The following MOB1B variants were observed in gnomAD, a reference collection of about 807,000 sequenced individuals.
MOB1B encodes the protein MOB kinase activator 1B, also known as MOB1 Mps One Binder homolog B.
A neutral mutation model predicts 24.4 loss-of-function variants in MOB1B; 19 were observed. That is an observed-to-expected ratio of 0.78 (90% CI 0.54 to 1.14). The LOEUF is 1.14. Among genes scored for constraint, MOB1B ranks in the 50% most tolerant of loss-of-function variants. The probability of loss-of-function intolerance (pLI) is 0.00; values close to 1 mark genes in which losing one functional copy is unlikely to be tolerated. For synonymous variants in MOB1B, 76 were observed against 82.1 expected (o/e 0.93, Z 0.40); for missense variants, 243 against 259.6 (o/e 0.94, Z 0.44).
intron 1 of MOB1B, 69 bp downstream of exon 1, chr4:70,902,619 G>T (rs1163450831): frequency 2.5e-6 from 3 of 1,198,134 alleles, no homozygotes; most frequent in Non-Finnish European, 2.2e-6. Flanking sequence ...GCCGCCCGCC[G>T]CCCGTCGCCC....
chr4:70,905,537 C>T (rs1232256836), intron 1 of MOB1B, among the ~76,000 whole-genome samples: 1 of 152,078 alleles, frequency 6.6e-6, no homozygotes, highest in East Asian at 1.9e-4. Context: ...GCCATTACAC[C>T]TGGCTATCTG....
chr4:70,945,627 T>C (rs779187232), intron 1 of MOB1B, among the ~76,000 whole-genome samples: 1 of 152,242 alleles, frequency 6.6e-6, no homozygotes, highest in South Asian at 2.1e-4. Context: ...GTCAGTTAGC[T>C]CAACAAATAC....
chr4:70,924,721 A>G (rs1736581995), intron 1 of MOB1B, among the ~76,000 whole-genome samples: 2 of 152,096 alleles, frequency 1.3e-5, no homozygotes, highest in East Asian at 1.9e-4. Flanking sequence ...CTATGCATCT[A>G]TGAGTGAGGA....
chr4:70,902,672 G>T (rs902919847), intron 1 of MOB1B, 122 bp downstream of exon 1: 3 of 950,538 alleles, frequency 3.2e-6, no homozygotes, highest in Middle Eastern at 3.5e-4. Context: ...CCGGGGCCCG[G>T]CGTCACCACC....
intron 1 of MOB1B, chr4:70,950,785 G>A: frequency 6.5e-7 from 1 of 1,531,662 alleles, no homozygotes; most frequent in South Asian, 1.2e-5. Flanking sequence ...TTAGACCTAT[G>A]GAAGGAGCTA....
intron 1 of MOB1B, among the ~76,000 whole-genome samples, chr4:70,930,965 C>CTTTTT (rs71211981): frequency 6.2e-4 from 71 of 114,282 alleles, no homozygotes; most frequent in African/African-American, 2.1e-3. Context: ...TGTACCTTTC[C>CTTTTT]TTTTTTTTTT....
At chr4:70,916,273 C>T (rs764835801) in intron 1 of MOB1B, among the ~76,000 whole-genome samples, 6 of 152,198 alleles carry the variant, frequency 3.9e-5, no homozygotes, top group East Asian at 1.9e-4. Context: ...GGTCTCAGCA[C>T]GTCATTCATA....
At chr4:70,975,954 C>T in intron 4 of MOB1B, 1 of 434,174 alleles carries the variant, frequency 2.3e-6, no homozygotes, top group Non-Finnish European at 3.1e-6. Flanking sequence ...GGCTGGAGTG[C>T]AGTGGCGTGA....
At chr4:70,924,004 G>A (rs1488726197) in intron 1 of MOB1B, among the ~76,000 whole-genome samples, 1 of 150,164 alleles carries the variant, frequency 6.7e-6, no homozygotes, top group Non-Finnish European at 1.5e-5. Context: ...ATAACTTAGT[G>A]GAAATGTATA....
chr4:70,914,216 T>C (rs1736110093), intron 1 of MOB1B, among the ~76,000 whole-genome samples: 1 of 152,228 alleles, frequency 6.6e-6, no homozygotes. Context: ...ACAGGCTCTT[T>C]AACTGTGAGC....
chr4:70,947,520 A>G (rs967877389), intron 1 of MOB1B, among the ~76,000 whole-genome samples: 1 of 152,094 alleles, frequency 6.6e-6, no homozygotes, highest in Non-Finnish European at 1.5e-5. Context: ...CTCTTTGTAT[A>G]TTTTGGATAT....
Position 70,985,720 on chromosome 4 carries a change from A to C in MOB1B, c.*3663A>C, listed in dbSNP as rs1739356102. 1 of 152,026 alleles carries C rather than the reference A, an allele frequency of 6.6e-6. No individual in the cohort carries two copies. Among genetic ancestry groups the C allele is most frequent in the African/African-American group, 2.4e-5 (1 of 41,364 alleles). The allele number at this position is 152,026 out of a possible 1,614,324, so 9.4% of individuals were successfully genotyped here. A position where few individuals can be genotyped will look rare whatever the true frequency, so the allele number is the denominator to read the frequency against. ...TTTTTAGTAGAGATGGGGTTTCAAC[A>C]TATTGGCCAGGCTGGTCTCAAACTC... On this transcript the variant is annotated 3_prime_UTR_variant, in exon 6 of 6. Transcript: ENST00000309395.
Position 70,924,041 on chromosome 4 carries a change from A to G in MOB1B, c.14+21491A>G, listed in dbSNP as rs868704922. 2.0e-5 allele frequency among the ~76,000 whole-genome samples: 3 copies of G among 151,140 alleles called. No individual in the cohort carries two copies. In the South Asian group the frequency reaches 6.3e-4, roughly 32 times the overall value. On this transcript the variant is annotated intron_variant, in intron 1 of 5. Coordinates refer to ENST00000309395, the MANE Select transcript of MOB1B (RefSeq NM_173468.4). ...CTCTGTAAATAAAGAGTAATTTAGTAGAAACAATGGGGGAAAGGTATTTTA... is the reference window on the plus strand; with the variant it reads ...CTCTGTAAATAAAGAGTAATTTAGTGGAAACAATGGGGGAAAGGTATTTTA...
intron 1 of MOB1B, among the ~76,000 whole-genome samples, chr4:70,903,201 C>G (rs1210815028): frequency 1.3e-5 from 2 of 152,212 alleles, no homozygotes; most frequent in East Asian, 3.8e-4. Context: ...CAGAGGACTT[C>G]CCTGAAGAGG....
chr4:70,941,767 A>C (rs1471435370), intron 1 of MOB1B, among the ~76,000 whole-genome samples: 2 of 152,164 alleles, frequency 1.3e-5, no homozygotes, highest in Non-Finnish European at 2.9e-5. Flanking sequence ...TCGAACATTC[A>C]AATGCTAATT....
At chr4:70,979,527 C>T (rs768143077) in intron 5 of MOB1B, among the ~76,000 whole-genome samples, 9 of 152,122 alleles carry the variant, frequency 5.9e-5, no homozygotes, top group Non-Finnish European at 1.2e-4. Flanking sequence ...CTTGGATTTG[C>T]TTCAGTTAAC....
chr4:70,965,616 C>T (rs759823361), intron 2 of MOB1B, among the ~76,000 whole-genome samples: 9 of 150,238 alleles, frequency 6.0e-5, no homozygotes, highest in Non-Finnish European at 1.0e-4. Flanking sequence ...GCTAACACGG[C>T]GGAACCCTGT....
intron 1 of MOB1B, among the ~76,000 whole-genome samples, chr4:70,926,104 G>A (rs1415004563): frequency 6.6e-6 from 1 of 152,072 alleles, no homozygotes; most frequent in African/African-American, 2.4e-5. Flanking sequence ...TTCCACCTCA[G>A]CTTCCTGAGT....
At chr4:70,931,442 T>C (rs1039026497) in intron 1 of MOB1B, among the ~76,000 whole-genome samples, 4 of 152,182 alleles carry the variant, frequency 2.6e-5, no homozygotes, top group Non-Finnish European at 5.9e-5. Flanking sequence ...TAACAGTTTT[T>C]ATTTGACAAC....
Sources: gnomAD v4.1 joint callset for allele counts (sites outside exome capture counted in the v4.1 genomes callset) on GRCh38, gnomAD v4.1.1 for gene constraint, MANE v1.5 for transcripts, NCBI Gene and HGNC (gene_info 2026-07-23, HGNC 2026-07-21) for gene names.